Variants in AFF3 observed in about 807,000 individuals in gnomAD.
The protein encoded by AFF3 is ALF transcription elongation factor 3.
In AFF3, 32 loss-of-function variants were observed where a neutral mutation model predicts 129.7. That is an observed-to-expected ratio of 0.25 (90% CI 0.19 to 0.33). The LOEUF (loss-of-function observed/expected upper bound fraction) is 0.33, where lower values mean the gene tolerates loss of function less well. AFF3 is among the 10% of genes least tolerant of loss of function. The probability of loss-of-function intolerance (pLI) is 1.00; values close to 1 mark genes in which losing one functional copy is unlikely to be tolerated. For synonymous variants in AFF3, 644 were observed against 635.4 expected (o/e 1.01, Z -0.20); for missense variants, 1,373 against 1,592.0 (o/e 0.86, Z 2.34).
chr2:100,091,061 C>T lies in AFF3; in HGVS notation c.53+13341G>A, dbSNP rs374482716. ...CCTCTGATTCTGTCATTAAGAGATA[C>T]ATATTACAGGATAGTGGTGATGTGT... On this transcript the variant is annotated intron_variant, in intron 4 of 24. Transcript: ENST00000672756. 7.5e-4 allele frequency among the ~76,000 whole-genome samples: 114 copies of T among 152,194 alleles called. 2 individuals carry two copies. In the South Asian group the frequency reaches 0.023, roughly 30 times the overall value.
At chr2:99,749,550 C>T (rs989534778) in intron 9 of AFF3, among the ~76,000 whole-genome samples, 5 of 152,296 alleles carry the variant, frequency 3.3e-5, no homozygotes, top group Admixed American at 6.5e-5. Context: ...GGCTAGATTA[C>T]GTGCAAAGAT....
intron 8 of AFF3, among the ~76,000 whole-genome samples, chr2:99,797,890 G>A (rs779786462): frequency 3.3e-5 from 5 of 152,018 alleles, no homozygotes; most frequent in Admixed American, 2.0e-4. Flanking sequence ...CAGCAGATCC[G>A]CACTATGGAA....
intron 4 of AFF3, among the ~76,000 whole-genome samples, chr2:100,010,307 T>C (rs1219676485): frequency 6.6e-6 from 1 of 152,210 alleles, no homozygotes; most frequent in Non-Finnish European, 1.5e-5. Flanking sequence ...ACAGAAAGTA[T>C]ATGTATCATG....
chr2:99,867,187 T>C (rs1691484232), intron 7 of AFF3, among the ~76,000 whole-genome samples: 1 of 152,008 alleles, frequency 6.6e-6, no homozygotes, highest in African/African-American at 2.4e-5. Flanking sequence ...ACTACTCATT[T>C]AACAAAGCCC....
chr2:99,778,077 G>A (rs6757828), intron 8 of AFF3, among the ~76,000 whole-genome samples: 14,969 of 151,688 alleles, frequency 0.099, 2,298 homozygotes, highest in African/African-American at 0.33. Flanking sequence ...ACAGGTTTCA[G>A]TTGGTTTGTT....
chr2:100,087,710 T>A (rs1243930293), intron 4 of AFF3, among the ~76,000 whole-genome samples: 3 of 151,892 alleles, frequency 2.0e-5, no homozygotes, highest in Non-Finnish European at 4.4e-5. Context: ...AATAGGCAAC[T>A]GTTTCTGAAA....
At chr2:100,073,654 T>C (rs1160002169) in intron 4 of AFF3, among the ~76,000 whole-genome samples, 1 of 152,252 alleles carries the variant, frequency 6.6e-6, no homozygotes, top group East Asian at 1.9e-4. Flanking sequence ...ACTAAGACAC[T>C]AACCTCTTTC....
chr2:100,128,567 C>T lies in AFF3; in HGVS notation c.-145+657G>A, dbSNP rs112918715. Among the ~76,000 whole-genome samples, 335 of 152,242 alleles carry T rather than the reference C, an allele frequency of 2.2e-3. 1 individual carries two copies. Among genetic ancestry groups the T allele is most frequent in the South Asian group, 4.1e-3 (20 of 4,822 alleles). On this transcript the variant is annotated intron_variant, in intron 2 of 24. Transcript: ENST00000672756. ...ACTCATGCCACTGGAGATTAATAAA[C>T]GTTGGTTATTGTTATTTGGCCCCAA...
intron 8 of AFF3, among the ~76,000 whole-genome samples, chr2:99,828,529 G>A (rs1014655798): frequency 1.5e-4 from 23 of 152,198 alleles, no homozygotes; most frequent in African/African-American, 4.8e-4. Flanking sequence ...AAGCACGAAC[G>A]TGTAGCGAGC....
intron 7 of AFF3, among the ~76,000 whole-genome samples, chr2:99,910,272 T>C (rs1476919587): frequency 6.6e-6 from 1 of 152,216 alleles, no homozygotes; most frequent in East Asian, 1.9e-4. Flanking sequence ...TCTCCCATTA[T>C]TTATTCACTA....
intron 18 of AFF3, chr2:99,572,574 C>A (rs530138004): frequency 1.5e-5 from 7 of 455,384 alleles, no homozygotes; most frequent in African/African-American, 1.0e-4. Flanking sequence ...TTCCTCGGCG[C>A]GGCAGAAATT....
chr2:99,646,473 A>ATATAT (rs2105560250), intron 13 of AFF3, among the ~76,000 whole-genome samples: 1 of 152,302 alleles, frequency 6.6e-6, no homozygotes, highest in South Asian at 2.1e-4. Context: ...ATCATTATGA[A>ATATAT]ATTTTATATA....
At chr2:100,107,298 T>C in intron 2 of AFF3, 1 of 985,372 alleles carries the variant, frequency 1.0e-6, no homozygotes, top group Non-Finnish European at 1.2e-6. Context: ...TTATTATTTA[T>C]CTGGTTTATG....
intron 21 of AFF3, among the ~76,000 whole-genome samples, chr2:99,559,364 C>G (rs139656829): frequency 0.02 from 3,100 of 152,340 alleles, 57 homozygotes; most frequent in Middle Eastern, 0.044. Flanking sequence ...ACGCTGCCAC[C>G]TGATGTTACT....
Position 99,710,347 on chromosome 2 carries a change from C to T in AFF3, c.1091+16730G>A, listed in dbSNP as rs138468514. On this transcript the variant is annotated intron_variant, in intron 11 of 24. Transcript: ENST00000672756. ...TGGGTCATTGCAACCTCTGCTTCCCCAGTTCAAGGGATTATCATGCCTCAG... is the reference window on the plus strand; with the variant it reads ...TGGGTCATTGCAACCTCTGCTTCCCTAGTTCAAGGGATTATCATGCCTCAG... Among the ~76,000 whole-genome samples, 7 of 152,218 alleles carry T rather than the reference C, an allele frequency of 4.6e-5. No homozygotes were observed. The East Asian group carries it at 7.7e-4, about 17-fold the overall frequency.
At chr2:99,575,627 T>C (rs1445962083) in intron 18 of AFF3, among the ~76,000 whole-genome samples, 3 of 152,142 alleles carry the variant, frequency 2.0e-5, no homozygotes, top group Admixed American at 2.0e-4. Flanking sequence ...GAGTGGCTGT[T>C]TGAGTTGCAT....
chr2:99,758,835 T>G (rs1317988843), intron 8 of AFF3, among the ~76,000 whole-genome samples: 1 of 152,170 alleles, frequency 6.6e-6, no homozygotes, highest in African/African-American at 2.4e-5. Flanking sequence ...TTTGGCCAGA[T>G]AACTCTTTAC....
Position 100,105,249 on chromosome 2 carries a change from G to T in AFF3, c.-65+255C>A. The stretch of plus-strand genomic sequence containing the variant: ...CTGCTGGGCGCTCCCGCGGGCGGCG[G>T]ACCCGGGTGGGTGCGGGGGAATTCC... On this transcript the variant is annotated intron_variant, in intron 3 of 24. Coordinates refer to ENST00000672756, the MANE Select transcript of AFF3 (RefSeq NM_001386135.1). The T allele has an allele frequency of 2.7e-6, 3 of 1,103,476 alleles. No individual in the cohort carries two copies. In the South Asian group the frequency reaches 5.1e-5, roughly 19 times the overall value. The allele number at this position is 1,103,476 out of a possible 1,614,324, so 68.4% of individuals were successfully genotyped here. A position where few individuals can be genotyped will look rare whatever the true frequency, so the allele number is the denominator to read the frequency against.
chr2:99,581,502 T>G (rs1457140690), intron 17 of AFF3, among the ~76,000 whole-genome samples: 1 of 151,672 alleles, frequency 6.6e-6, no homozygotes, highest in Admixed American at 6.6e-5. Context: ...CTTTCTCATC[T>G]TTCTTTGCAG....
Sources: allele counts gnomAD v4.1 joint callset (sites outside exome capture counted in the v4.1 genomes callset), GRCh38; gene constraint gnomAD v4.1.1; transcripts MANE v1.5; gene names NCBI Gene and HGNC (gene_info 2026-07-23, HGNC 2026-07-21).